RP1: variants seen among roughly 807,000 people sequenced by gnomAD.
The protein encoded by RP1 is oxygen-regulated protein 1.
In RP1, 16 loss-of-function variants were observed where a neutral mutation model predicts 14.8. That is an observed-to-expected ratio of 1.08 (90% confidence interval 0.73 to 1.65). The LOEUF is 1.65. RP1 is among the 40% of genes most tolerant of loss of function. RP1 has a pLI of 0.00. For synonymous variants in RP1, 876 were observed against 883.6 expected (o/e 0.99, Z 0.15); for missense variants, 2,631 against 2,535.0 (o/e 1.04, Z -0.81).
In RP1 at chr8:54,646,589, T is replaced by C. The variant is rs115265673; in HGVS notation, c.788-2396T>C. 7.3e-3 allele frequency among the ~76,000 whole-genome samples: 1,115 copies of C among 152,306 alleles called. 19 individuals are homozygous for C. Among genetic ancestry groups the C allele is most frequent in the African/African-American group, 0.025 (1,057 of 41,580 alleles). On this transcript the variant is annotated intron_variant, in intron 3 of 22. Coordinates refer to the RP1 transcript ENST00000636932. Reference sequence around the variant, plus strand: ...TTATAAACTGAAAGATGAATCTTCGTTCATGATCTTTAGATTCTACTCCAG... The same window carrying C: ...TTATAAACTGAAAGATGAATCTTCGCTCATGATCTTTAGATTCTACTCCAG...
intron 12 of RP1, among the ~76,000 whole-genome samples, chr8:54,683,055 A>G (rs1245607032): frequency 6.6e-6 from 1 of 152,162 alleles, no homozygotes; most frequent in African/African-American, 2.4e-5. Flanking sequence ...TTAAATAGGG[A>G]GTCCTTTTCC....
intron 1 of RP1, among the ~76,000 whole-genome samples, chr8:54,569,963 G>A (rs1220809534): frequency 2.0e-5 from 3 of 152,168 alleles, no homozygotes; most frequent in Non-Finnish European, 2.9e-5. Context: ...AGTATGGAGA[G>A]AGCACATACC....
rs1053575233 is a variant in RP1 at position 54,642,997 on chromosome 8, CT to C, written c.788-5979del. 5.5e-3 allele frequency among the ~76,000 whole-genome samples: 833 copies of C among 150,480 alleles called. 10 individuals are homozygous for C. The highest frequency in any genetic ancestry group is 0.019 in the African/African-American group (785 of 41,014). The stretch of plus-strand genomic sequence containing the variant: ...TCTATTTCTTGATCACTTGTGTTCT[CT>C]TTTTTTTTAATAAATTGCCTATTCA... On this transcript the variant is annotated intron_variant, in intron 3 of 22. Transcript: ENST00000636932.
At chr8:54,608,747 A>G (rs1335458404) in intron 1 of RP1, among the ~76,000 whole-genome samples, 1 of 152,234 alleles carries the variant, frequency 6.6e-6, no homozygotes, top group Non-Finnish European at 1.5e-5. Context: ...CCTAATAACA[A>G]TAGTCTGTAT....
At chr8:54,859,010 T>C in intron 27 of RP1, among the ~76,000 whole-genome samples, 1 of 152,038 alleles carries the variant, frequency 6.6e-6, no homozygotes, top group Admixed American at 6.5e-5. Flanking sequence ...TGTAGACTGG[T>C]GTCACTGTAG....
chr8:54,602,189 C>T (rs916110050), intron 1 of RP1, among the ~76,000 whole-genome samples: 2 of 152,042 alleles, frequency 1.3e-5, no homozygotes, highest in Non-Finnish European at 2.9e-5. Context: ...CTCCCCTCTT[C>T]CCCCACCCCA....
At chr8:54,580,998 T>G (rs1563317384) in intron 1 of RP1, among the ~76,000 whole-genome samples, 1 of 134,348 alleles carries the variant, frequency 7.4e-6, no homozygotes. Context: ...TTTTATTTAT[T>G]TATCTATTTA....
At chr8:54,599,241 C>A (rs544592713) in intron 1 of RP1, among the ~76,000 whole-genome samples, 1 of 152,190 alleles carries the variant, frequency 6.6e-6, no homozygotes, top group East Asian at 1.9e-4. Flanking sequence ...GTTGAGCCCA[C>A]TCATTGTGTT....
intron 18 of RP1, among the ~76,000 whole-genome samples, chr8:54,738,498 C>T (rs1267622753): frequency 6.6e-6 from 1 of 152,088 alleles, no homozygotes; most frequent in Non-Finnish European, 1.5e-5. Context: ...TTTCAGAGTA[C>T]AAGGAAGTTC....
chr8:54,603,877 T>C (rs982039092), intron 1 of RP1, among the ~76,000 whole-genome samples: 40 of 152,184 alleles, frequency 2.6e-4, no homozygotes, highest in African/African-American at 7.2e-4. Context: ...GTGATTTTTG[T>C]ACACTGATTT....
At chr8:54,778,954 A>G (rs768247052) in intron 23 of RP1, among the ~76,000 whole-genome samples, 3 of 152,164 alleles carry the variant, frequency 2.0e-5, no homozygotes, top group Non-Finnish European at 4.4e-5. Context: ...AGTTTTATTT[A>G]TTCCGACCTC....
At chr8:54,791,401 TGA>T in intron 24 of RP1, among the ~76,000 whole-genome samples, 1 of 152,246 alleles carries the variant, frequency 6.6e-6, no homozygotes, top group Non-Finnish European at 1.5e-5. Flanking sequence ...TATGAATATA[TGA>T]AACTTGTTGT....
At chr8:54,653,768 G>A (rs974649422) in intron 5 of RP1, among the ~76,000 whole-genome samples, 4 of 152,154 alleles carry the variant, frequency 2.6e-5, no homozygotes, top group African/African-American at 9.6e-5. Context: ...TGGCTTCTAT[G>A]TGAAATACTT....
intron 16 of RP1, among the ~76,000 whole-genome samples, chr8:54,724,538 C>T (rs1808608137): frequency 6.6e-6 from 1 of 152,056 alleles, no homozygotes; most frequent in African/African-American, 2.4e-5. Context: ...TCACCTTCAC[C>T]ACAGGTTTTG....
chr8:54,584,706 T>G (rs1804877738), intron 1 of RP1, among the ~76,000 whole-genome samples: 1 of 152,200 alleles, frequency 6.6e-6, no homozygotes. Flanking sequence ...GCATATATAT[T>G]TAGGATAGTT....
intron 19 of RP1, among the ~76,000 whole-genome samples, chr8:54,747,618 C>T (rs1487722361): frequency 3.3e-5 from 5 of 152,282 alleles, no homozygotes; most frequent in South Asian, 2.1e-4. Context: ...ATGTGAAGTA[C>T]GGCTGGGTGC....
chr8:54,770,347 A>G (rs1357676596), downstream of RP1, among the ~76,000 whole-genome samples: 1 of 152,022 alleles, frequency 6.6e-6, no homozygotes, highest in East Asian at 1.9e-4. Context: ...AACTAACAGC[A>G]ACTTTAGCTC....
In RP1 at chr8:54,626,989, C is replaced by T; in HGVS notation, c.3107C>T (p.Thr1036Ile). Residue 1036 changes from threonine (T) to isoleucine (I), a missense_variant, in exon 4 of 4, where the codon ACT becomes ATT. Thr to Ile is a moderately conservative substitution (Grantham distance 89). Transcript: ENST00000220676. The stretch of plus-strand genomic sequence containing the variant: ...CAGTCAGCTATTAATGATCATAATA[C>T]TAAAAGTCATATAGCTGCTGAAAAA... ...LSQSAINDHN[T>I]KSHIAAEKSG... 6.2e-7 allele frequency: 1 copy of T among 1,613,880 alleles called. No individual in the cohort carries two copies. Among genetic ancestry groups the T allele is most frequent in the Non-Finnish European group, 8.5e-7 (1 of 1,179,946 alleles).
intron 24 of RP1, among the ~76,000 whole-genome samples, chr8:54,830,738 G>A (rs751478197): frequency 2.0e-5 from 3 of 152,000 alleles, no homozygotes; most frequent in South Asian, 2.1e-4. Context: ...GTTTTGAAAC[G>A]TACCATTCAG....
Sources: allele counts gnomAD v4.1 joint callset (sites outside exome capture counted in the v4.1 genomes callset), GRCh38; gene constraint gnomAD v4.1.1; transcripts MANE v1.5; gene names NCBI Gene and HGNC (gene_info 2026-07-23, HGNC 2026-07-21).